Variants in CPA6 observed in about 807,000 individuals in gnomAD.
CPA6 encodes carboxypeptidase B.
CPA6 carries 58 observed loss-of-function variants against 63.3 expected under a neutral mutation model. The observed-to-expected ratio is 0.92, with a 90% CI of 0.74 to 1.14. CPA6 has a LOEUF of 1.14. Among genes scored for constraint, CPA6 ranks in the 50% most tolerant of loss-of-function variants. The pLI is 0.00. For missense variants in CPA6, 565 were observed against 526.6 expected, an observed-to-expected ratio of 1.07 and a Z score of -0.71; for synonymous variants, 185 against 179.0, an observed-to-expected ratio of 1.03 and a Z score of -0.27.
At chr8:67,481,350 G>A (rs1056259293) in intron 8 of CPA6, among the ~76,000 whole-genome samples, 4 of 152,196 alleles carry the variant, frequency 2.6e-5, no homozygotes, top group African/African-American at 7.2e-5. Flanking sequence ...TTTATTCCTA[G>A]TTCCTACCAC....
chr8:67,428,710 C>T (rs974269555), intron 9 of CPA6, among the ~76,000 whole-genome samples: 5 of 152,162 alleles, frequency 3.3e-5, no homozygotes, highest in Non-Finnish European at 7.4e-5. Flanking sequence ...GTCTCGATCT[C>T]CTGGCCTTGT....
chr8:67,680,267 T>C (rs959449346), intron 1 of CPA6, among the ~76,000 whole-genome samples: 1 of 152,142 alleles, frequency 6.6e-6, no homozygotes, highest in Non-Finnish European at 1.5e-5. Flanking sequence ...TTTGGGAGGC[T>C]GAAGTGCGTG....
At chr8:67,551,780 T>C (rs1812944183) in intron 2 of CPA6, among the ~76,000 whole-genome samples, 1 of 152,222 alleles carries the variant, frequency 6.6e-6, no homozygotes, top group Non-Finnish European at 1.5e-5. Context: ...TTTTTTGGTG[T>C]GGCTATTGGA....
intron 2 of CPA6, among the ~76,000 whole-genome samples, chr8:67,611,382 C>T (rs1045820561): frequency 1.4e-4 from 21 of 152,156 alleles, no homozygotes; most frequent in African/African-American, 5.1e-4. Context: ...TTACACCACG[C>T]CCATCCTCGC....
chr8:67,707,096 T>C (rs2128999688), intron 1 of CPA6, among the ~76,000 whole-genome samples: 1 of 152,346 alleles, frequency 6.6e-6, no homozygotes, highest in Middle Eastern at 3.4e-3. Flanking sequence ...CCACAGACAA[T>C]TATTGTCTTA....
Position 67,607,231 on chromosome 8 carries a change from CTTCTTCTTCTTCTTCTTCTT to C in CPA6, c.192+16925_192+16944del, listed in dbSNP as rs1564021424. 2.2e-3 allele frequency among the ~76,000 whole-genome samples: 255 copies of C among 117,270 alleles called. 31 individuals are homozygous for C. Among genetic ancestry groups the C allele is most frequent in the Admixed American group, 2.7e-3 (28 of 10,554 alleles). 76.9% of individuals were successfully genotyped at this position (117,270 alleles called of 152,430 possible). On this transcript the variant is annotated intron_variant, in intron 2 of 10. Transcript: ENST00000297770. ...TCTTCTTCTTCTTCTTCTTCTTCTT[CTTCTTCTTCTTCTTCTTCTT>C]CTCCTCCTCCTCCTTTCTTCTTTCT...
intron 1 of CPA6, among the ~76,000 whole-genome samples, chr8:67,648,612 C>A (rs143740166): frequency 6.6e-6 from 1 of 152,100 alleles, no homozygotes; most frequent in East Asian, 1.9e-4. Flanking sequence ...TCTGCCACAT[C>A]GGTGAGAAAA....
intron 2 of CPA6, among the ~76,000 whole-genome samples, chr8:67,519,221 G>T (rs1812211367): frequency 6.6e-6 from 1 of 152,226 alleles, no homozygotes; most frequent in African/African-American, 2.4e-5. Flanking sequence ...CCTGGTAGGA[G>T]CTTGGCCTTC....
chr8:67,721,348 A>G (rs1200293166), intron 1 of CPA6, among the ~76,000 whole-genome samples: 4 of 152,210 alleles, frequency 2.6e-5, no homozygotes, highest in African/African-American at 9.6e-5. Context: ...TAGTGGTAAT[A>G]GTCTTTAAGG....
chr8:67,578,678 G>C (rs1813688710), intron 2 of CPA6, among the ~76,000 whole-genome samples: 1 of 152,122 alleles, frequency 6.6e-6, no homozygotes, highest in Non-Finnish European at 1.5e-5. Flanking sequence ...GAAAGGATTG[G>C]TTCCAGTTAC....
At chr8:67,463,105 A>G (rs886917934) in intron 8 of CPA6, among the ~76,000 whole-genome samples, 2 of 152,218 alleles carry the variant, frequency 1.3e-5, no homozygotes, top group Non-Finnish European at 2.9e-5. Flanking sequence ...TGTATGGGAA[A>G]AATAAATGCA....
chr8:67,729,421 T>A lies in CPA6; in HGVS notation c.116+16593A>T, dbSNP rs75369009. On this transcript the variant is annotated intron_variant, in intron 1 of 10. Coordinates refer to ENST00000297770, the MANE Select transcript of CPA6 (RefSeq NM_020361.5). ...TTAAAAACTGTCATATACTGGCAAC[T>A]TATTGTGATTCAACTTCAGTGGCTG... 8.0e-3 allele frequency among the ~76,000 whole-genome samples: 1,225 copies of A among 152,328 alleles called. 19 individuals are homozygous for A. The highest frequency in any genetic ancestry group is 0.028 in the African/African-American group (1,149 of 41,568).
intron 10 of CPA6, among the ~76,000 whole-genome samples, chr8:67,422,976 CCCA>C (rs1397350116): frequency 6.6e-6 from 1 of 152,214 alleles, no homozygotes; most frequent in African/African-American, 2.4e-5. Context: ...TATGTTCATC[CCCA>C]CTTCATTCAC....
intron 2 of CPA6, among the ~76,000 whole-genome samples, chr8:67,605,083 T>TC (rs1441862703): frequency 6.6e-6 from 1 of 151,260 alleles, no homozygotes; most frequent in Non-Finnish European, 1.5e-5. Context: ...CAGCCACGTT[T>TC]TTTTTTTTTT....
At chr8:67,624,368 T>A in intron 1 of CPA6, 117 bp from the exon 2 acceptor site, 2 of 550,464 alleles carry the variant, frequency 3.6e-6, no homozygotes, top group Non-Finnish European at 6.4e-6. Flanking sequence ...AGTGAAACTT[T>A]TCACTGGCCC....
intron 1 of CPA6, among the ~76,000 whole-genome samples, chr8:67,714,474 C>G (rs374301831): frequency 6.6e-6 from 1 of 152,070 alleles, no homozygotes; most frequent in Non-Finnish European, 1.5e-5. Context: ...TTCGGGAGCC[C>G]GAGCACTCCT....
chr8:67,446,999 T>C (rs1018686901), intron 8 of CPA6, among the ~76,000 whole-genome samples: 2 of 148,926 alleles, frequency 1.3e-5, no homozygotes, highest in South Asian at 2.1e-4. Context: ...AAATTACACA[T>C]TCATATATAT....
At chr8:67,609,289 A>G (rs1276669537) in intron 2 of CPA6, among the ~76,000 whole-genome samples, 2 of 152,224 alleles carry the variant, frequency 1.3e-5, no homozygotes, top group African/African-American at 2.4e-5. Context: ...TTCCCACTTC[A>G]TGGATCTCCT....
intron 1 of CPA6, among the ~76,000 whole-genome samples, chr8:67,714,283 C>T (rs372271848): frequency 5.9e-5 from 9 of 151,952 alleles, no homozygotes; most frequent in East Asian, 3.9e-4. Flanking sequence ...GAGTGGAAAG[C>T]GACTAAAAAG....
Sources: gnomAD v4.1 joint callset for allele counts (sites outside exome capture counted in the v4.1 genomes callset) on GRCh38, gnomAD v4.1.1 for gene constraint, MANE v1.5 for transcripts, NCBI Gene and HGNC (gene_info 2026-07-23, HGNC 2026-07-21) for gene names.